Variants in ABL1 observed in about 807,000 individuals in gnomAD.
The protein encoded by ABL1 is tyrosine-protein kinase ABL1.
ABL1 carries 11 observed loss-of-function variants against 94.7 expected under a neutral mutation model. The observed-to-expected ratio is 0.12, with a 90% CI of 0.07 to 0.19. The LOEUF (loss-of-function observed/expected upper bound fraction) is 0.19, where lower values mean the gene tolerates loss of function less well. Ranked by LOEUF, ABL1 falls within the 10% of genes least tolerant of loss-of-function variation. ABL1 has a pLI of 1.00. For synonymous variants in ABL1, 656 were observed against 622.4 expected, an observed-to-expected ratio of 1.05 and a Z score of -0.80; for missense variants, 1,082 against 1,489.4, an observed-to-expected ratio of 0.73 and a Z score of 4.50.
intron 1 of ABL1, among the ~76,000 whole-genome samples, chr9:130,843,538 T>C (rs961488857): frequency 6.6e-6 from 1 of 152,156 alleles, no homozygotes; most frequent in Non-Finnish European, 1.5e-5. Context: ...CCATGCTTTT[T>C]GTACTGCTGG....
chr9:130,761,563 A>G (rs1046920061), intron 1 of ABL1, among the ~76,000 whole-genome samples: 4 of 152,228 alleles, frequency 2.6e-5, no homozygotes, highest in Non-Finnish European at 5.9e-5. Flanking sequence ...AGTCATTATT[A>G]GGCATCGAAA....
At chr9:130,848,885 G>A (rs1830815578) in intron 1 of ABL1, among the ~76,000 whole-genome samples, 1 of 152,090 alleles carries the variant, frequency 6.6e-6, no homozygotes. Context: ...GTTGCAGTGA[G>A]CAGAGATCAC....
chr9:130,880,446 A>G lies in ABL1; in HGVS notation c.1514-54A>G, dbSNP rs1479204651. 4.4e-6 allele frequency: 7 copies of G among 1,592,698 alleles called. No individual in the cohort carries two copies. In the African/African-American group the frequency reaches 5.4e-5, roughly 12 times the overall value. On this transcript the variant is annotated intron_variant, in intron 9 of 10. Coordinates refer to ENST00000318560, the MANE Select transcript of ABL1 (RefSeq NM_005157.6). This position sits in a 1 kb window ranked among gnomAD's most constrained non-coding sequence, Gnocchi z 4.4. Reference sequence around the variant, plus strand: ...GAAAGAGAACCACCACACCAAGCCAACACCAGTACTGATGGCTGCTGGATT... The same window carrying G: ...GAAAGAGAACCACCACACCAAGCCAGCACCAGTACTGATGGCTGCTGGATT...
chr9:130,736,786 C>T (rs1181358898), intron 1 of ABL1, among the ~76,000 whole-genome samples: 5 of 152,290 alleles, frequency 3.3e-5, no homozygotes, highest in Non-Finnish European at 4.4e-5. Context: ...CCACTGTGCC[C>T]GGCCGGTTGA....
At position 130,808,247 on chromosome 9, in the gene ABL1, C is replaced by CTTCT. The variant is rs1225434564; in HGVS notation, c.137-45815_137-45814insCTTT. On this transcript the variant is annotated intron_variant, in intron 1 of 10. Coordinates refer to the ABL1 transcript ENST00000372348. ...TCTTCTTCTTCTTCTTCTTCTTCTT[C>CTTCT]TTTTTTTTTTTTTTGAAATGGAGTC... 6.4e-4 allele frequency among the ~76,000 whole-genome samples: 61 copies of CTTCT among 95,076 alleles called. 2 individuals are homozygous for CTTCT. In the East Asian group the frequency reaches 8.4e-3, roughly 13 times the overall value. The allele number at this position is 95,076 out of a possible 152,430, so 62.4% of individuals were successfully genotyped here. A position where few individuals can be genotyped will look rare whatever the true frequency, so the allele number is the denominator to read the frequency against.
rs372838676 is a variant in ABL1 at position 130,769,329 on chromosome 9, C to CTTTTTTTTTTTTTTTTTTTTTTTTTTTT, written c.136+54896_136+54897insTTTTTTTTTTTTTTTTTTTTTTTTTTTT. On this transcript the variant is annotated intron_variant, in intron 1 of 10. Coordinates refer to the ABL1 transcript ENST00000372348. ...TGGAGAGCCAAACTATGGCCCTAGT[C>CTTTTTTTTTTTTTTTTTTTTTTTTTTTT]TTTTTTTTTTTTTTTTTTTTTTGAG... Among the ~76,000 whole-genome samples the CTTTTTTTTTTTTTTTTTTTTTTTTTTTT allele has an allele frequency of 1.1e-4, 9 of 84,292 alleles. 1 individual carries two copies. The highest frequency in any genetic ancestry group is 4.9e-4 in the South Asian group (1 of 2,024). 55.3% of individuals were successfully genotyped at this position (84,292 alleles called of 152,430 possible).
rs547121195 is a variant in ABL1, at chr9:130,762,820, AG to A, written c.136+48366del. ...CAGCTACTCGGGAGGCTGAGGCAGG[AG>A]AGTGGCATGAACCCGGGAGGTGCAG... On this transcript the variant is annotated intron_variant, in intron 1 of 10. Coordinates refer to the ABL1 transcript ENST00000372348. Among the ~76,000 whole-genome samples the A allele has an allele frequency of 8.6e-5, 13 of 151,316 alleles. No individual in the cohort carries two copies. The South Asian group carries it at 1.7e-3, about 20-fold the overall frequency.
At chr9:130,830,047 T>C (rs1039945736) in intron 1 of ABL1, among the ~76,000 whole-genome samples, 1 of 152,192 alleles carries the variant, frequency 6.6e-6, no homozygotes, top group African/African-American at 2.4e-5. Context: ...ATTTTTAGCC[T>C]TTTTTACAAG....
At chr9:130,806,815 A>G (rs920100876) in intron 1 of ABL1, among the ~76,000 whole-genome samples, 4 of 152,132 alleles carry the variant, frequency 2.6e-5, no homozygotes, top group Non-Finnish European at 2.9e-5. Context: ...TCTTGGATAC[A>G]TTTTCCTATT....
At position 130,875,033 on chromosome 9, in the gene ABL1, C is replaced by T. The variant is rs1455960353; in HGVS notation, c.1251C>T (p.Ser417=). 2 of 1,614,210 alleles carry T rather than the reference C, an allele frequency of 1.2e-6. No homozygotes were observed. Among genetic ancestry groups the T allele is most frequent in the South Asian group, 1.1e-5 (1 of 91,070 alleles). The change falls in exon 7 of 11, where the codon TCC becomes TCT. Residue 417 remains serine (S), a synonymous_variant. Coordinates refer to ENST00000318560, the MANE Select transcript of ABL1 (RefSeq NM_005157.6). ...APESLAYNKF[S]IKSDVWAFGV... ...AGAGCCTGGCCTACAACAAGTTCTC[C>T]ATCAAGTCCGACGTCTGGGGTAAGG...
chr9:130,877,955 G>A (rs1432558610), intron 7 of ABL1, among the ~76,000 whole-genome samples: 1 of 151,388 alleles, frequency 6.6e-6, no homozygotes, highest in Non-Finnish European at 1.5e-5. Flanking sequence ...TGGGACTATA[G>A]GCATCTACCA....
chr9:130,766,996 C>G (rs1003761794), intron 1 of ABL1, among the ~76,000 whole-genome samples: 2 of 152,372 alleles, frequency 1.3e-5, no homozygotes, highest in East Asian at 3.9e-4. Flanking sequence ...GAATTTCCCT[C>G]CTGTCACTCC....
intron 1 of ABL1, among the ~76,000 whole-genome samples, chr9:130,772,467 G>C (rs1832264352): frequency 6.6e-6 from 1 of 152,220 alleles, no homozygotes; most frequent in Non-Finnish European, 1.5e-5. Context: ...ACCTTACTGG[G>C]TTGACGTTAG....
At chr9:130,807,338 T>G (rs1028257408) in intron 1 of ABL1, among the ~76,000 whole-genome samples, 1 of 151,588 alleles carries the variant, frequency 6.6e-6, no homozygotes, top group Non-Finnish European at 1.5e-5. Context: ...AGCCTCCACC[T>G]CCTGGGTTCA....
At chr9:130,801,132 G>T (rs1383765361) in intron 1 of ABL1, among the ~76,000 whole-genome samples, 2 of 152,046 alleles carry the variant, frequency 1.3e-5, no homozygotes, top group African/African-American at 4.8e-5. Context: ...GTTTCACCCT[G>T]TTGACCAGGC....
chr9:130,726,556 A>G (rs1334357413), intron 1 of ABL1, among the ~76,000 whole-genome samples: 2 of 152,132 alleles, frequency 1.3e-5, no homozygotes, highest in Non-Finnish European at 2.9e-5. Context: ...CAATTTTATT[A>G]ATCTTTTCAA....
chr9:130,740,312 C>T lies in ABL1; in HGVS notation c.136+25857C>T, dbSNP rs912476434. 1.1e-4 allele frequency among the ~76,000 whole-genome samples: 16 copies of T among 152,196 alleles called. 1 individual carries two copies. Among genetic ancestry groups the T allele is most frequent in the East Asian group, 9.6e-4 (5 of 5,198 alleles). On this transcript the variant is annotated intron_variant, in intron 1 of 10. Coordinates refer to the ABL1 transcript ENST00000372348. ...ATGGACCCTCAAGTGGGTTGGAAGT[C>T]CCTTGGATGCTAGTAAGTGAGGAGT...
intron 1 of ABL1, among the ~76,000 whole-genome samples, chr9:130,720,286 C>T (rs1477791474): frequency 6.6e-6 from 1 of 152,046 alleles, no homozygotes; most frequent in Non-Finnish European, 1.5e-5. Context: ...GAGAAGGGGA[C>T]AGGGAATGGG....
intron 1 of ABL1, among the ~76,000 whole-genome samples, chr9:130,763,915 T>C (rs969906081): frequency 6.6e-6 from 1 of 152,124 alleles, no homozygotes; most frequent in Non-Finnish European, 1.5e-5. Flanking sequence ...ATGAGCATCA[T>C]AATGGCACGT....
Sources: allele counts gnomAD v4.1 joint callset (sites outside exome capture counted in the v4.1 genomes callset), GRCh38; gene constraint gnomAD v4.1.1; non-coding constraint Gnocchi (gnomAD v3.1); transcripts MANE v1.5; gene names NCBI Gene and HGNC (gene_info 2026-07-23, HGNC 2026-07-21).